The following GRK2 variants were observed in gnomAD, a reference collection of about 807,000 sequenced individuals.
The protein encoded by GRK2 is G protein-coupled receptor kinase 2.
A neutral mutation model predicts 97.8 loss-of-function variants in GRK2; 23 were observed. The observed-to-expected ratio is 0.24, with a 90% confidence interval of 0.17 to 0.33. The LOEUF is 0.33. GRK2 is among the 10% of genes least tolerant of loss of function. The pLI is 1.00. For synonymous variants in GRK2, 425 were observed against 381.7 expected, an observed-to-expected ratio of 1.11 and a Z score of -1.32; for missense variants, 633 against 956.9, an observed-to-expected ratio of 0.66 and a Z score of 4.47.
intron 1 of GRK2, 78 bp from the exon 2 acceptor site, chr11:67,277,194 C>A: frequency 7.1e-7 from 1 of 1,408,842 alleles, no homozygotes; most frequent in Non-Finnish European, 1.0e-6. Context: ...CACCACAGTG[C>A]CCTCAGCTCG....
intron 14 of GRK2, 67 bp from the exon 15 acceptor site, chr11:67,283,061 C>A: frequency 6.6e-7 from 1 of 1,509,892 alleles, no homozygotes; most frequent in East Asian, 2.3e-5. Flanking sequence ...ACCCCTCTCT[C>A]CCCTGAGCTG....
chr11:67,276,487 G>A lies in GRK2; in HGVS notation c.114-785G>A, dbSNP rs1254046426. ...CACAATGGCCAGGCCCTCCCCTATG[G>A]CCATACCAAGCAACCCAGGGCAGGG... On this transcript the variant is annotated intron_variant, in intron 1 of 20. Transcript: ENST00000308595. This position sits in a 1 kb window ranked among gnomAD's most constrained non-coding sequence, Gnocchi z 4.2. 1 of 152,156 alleles carries A rather than the reference G, an allele frequency of 6.6e-6. No individual in the cohort carries two copies. Among genetic ancestry groups the A allele is most frequent in the Non-Finnish European group, 1.5e-5 (1 of 68,026 alleles). 9.4% of individuals were successfully genotyped at this position (152,156 alleles called of 1,614,324 possible). A position where few individuals can be genotyped will look rare whatever the true frequency, so the allele number is the denominator to read the frequency against.
chr11:67,273,486 G>C (rs1859955813), intron 1 of GRK2, among the ~76,000 whole-genome samples: 1 of 152,172 alleles, frequency 6.6e-6, no homozygotes, highest in Non-Finnish European at 1.5e-5. Flanking sequence ...TCCCACCCCT[G>C]TGCTCGCCCG....
rs1860161353 is a variant in GRK2, at chr11:67,281,928, C to A, written c.933C>A (p.Arg311=). 1 of 1,613,360 alleles carries A rather than the reference C, an allele frequency of 6.2e-7. No individual in the cohort carries two copies. Among genetic ancestry groups the A allele is most frequent in the Non-Finnish European group, 8.5e-7 (1 of 1,179,936 alleles). Residue 311 remains arginine (R), a synonymous_variant, in exon 11 of 21, where the codon CGC becomes CGA. Coordinates refer to ENST00000308595, the MANE Select transcript of GRK2 (RefSeq NM_001619.5). This position sits in a 1 kb window ranked among gnomAD's most constrained non-coding sequence, Gnocchi z 5.7. The part of the protein sequence containing the change: ...IILGLEHMHN[R]FVVYRDLKPA... The stretch of plus-strand genomic sequence containing the variant: ...TGGGCCTGGAGCACATGCACAACCG[C>A]TTCGTGGTCTACCGGGACCTGAAGG...
In GRK2 at chr11:67,282,534, G is replaced by A; in HGVS notation, c.1152G>A (p.Leu384=). ...CTCTGGGGTGCATGCTCTTCAAGTT[G>A]CTGCGGGGGTGAGTGGCCCATCCCA... ...WFSLGCMLFK[L]LRGHSPFRQH... The change falls in exon 13 of 21, where the codon TTG becomes TTA. Residue 384 remains leucine, a synonymous_variant. Transcript: ENST00000308595. The surrounding 1 kb of genome is among the most constrained non-coding windows in gnomAD (Gnocchi z 6.9). 2 of 1,613,540 alleles carry A rather than the reference G, an allele frequency of 1.2e-6. No homozygotes were observed. Among genetic ancestry groups the A allele is most frequent in the Non-Finnish European group, 8.5e-7 (1 of 1,179,918 alleles).
intron 1 of GRK2, among the ~76,000 whole-genome samples, chr11:67,274,524 C>CTTTTTTTTTTTTTTTTTTT (rs1590848179): frequency 0.013 from 733 of 54,872 alleles, 1 homozygote; most frequent in Non-Finnish European, 0.016. Flanking sequence ...TTTTTTTTTG[C>CTTTTTTTTTTTTTTTTTTT]TTTTTTTCAT....
intron 6 of GRK2, chr11:67,280,262 A>G (rs1177608962): frequency 1.3e-5 from 5 of 389,384 alleles, no homozygotes; most frequent in African/African-American, 2.0e-5. Flanking sequence ...AGTAGAGCGC[A>G]TGGCCCCCGT....
chr11:67,280,459 C>T (rs1238948204), intron 6 of GRK2: 2 of 555,584 alleles, frequency 3.6e-6, no homozygotes, highest in Admixed American at 6.3e-5. Context: ...CTGGGTTAGA[C>T]TGGAAGACCT....
intron 1 of GRK2, among the ~76,000 whole-genome samples, chr11:67,267,052 C>A (rs934132170): frequency 2.6e-5 from 4 of 152,044 alleles, no homozygotes; most frequent in Non-Finnish European, 4.4e-5. Context: ...TCTGCCCCAT[C>A]GGTCCCCGGA....
chr11:67,274,494 C>A lies in GRK2; in HGVS notation c.114-2778C>A, dbSNP rs545693569. On this transcript the variant is annotated intron_variant, in intron 1 of 20. Transcript: ENST00000308595. ...GTCGCTACCTTCCGCTTGACCAGCA[C>A]CTTTTTTTTTTTTTTTTTTTTTTTT... Among the ~76,000 whole-genome samples the A allele has an allele frequency of 7.6e-4, 18 of 23,606 alleles. 1 individual carries two copies. The South Asian group carries it at 0.053, about 69-fold the overall frequency. The allele number at this position is 23,606 out of a possible 152,430, so 15.5% of individuals were successfully genotyped here. A position where few individuals can be genotyped will look rare whatever the true frequency, so the allele number is the denominator to read the frequency against.
Position 67,279,880 on chromosome 11 carries a change from G to C in GRK2, c.483G>C (p.Val161=). Residue 161 remains valine (V), a synonymous_variant, in exon 6 of 21, where the codon GTG becomes GTC. Transcript: ENST00000308595. ...EEICQNLRGD[V]FQKFIESDKF... ...TTTGTCAAAACCTCCGAGGGGACGT[G>C]TTCCAGAAATTCATTGAGAGGTGAG... 1 of 1,613,982 alleles carries C rather than the reference G, an allele frequency of 6.2e-7. No individual in the cohort carries two copies. Among genetic ancestry groups the C allele is most frequent in the Non-Finnish European group, 8.5e-7 (1 of 1,180,000 alleles).
At chr11:67,273,672 A>C (rs1375305640) in intron 1 of GRK2, among the ~76,000 whole-genome samples, 1 of 150,534 alleles carries the variant, frequency 6.6e-6, no homozygotes, top group Non-Finnish European at 1.5e-5. Flanking sequence ...GCTTGGGGGG[A>C]GGGGGGTTGT....
chr11:67,267,881 C>A (rs1859830830), intron 1 of GRK2, among the ~76,000 whole-genome samples: 1 of 152,236 alleles, frequency 6.6e-6, no homozygotes, highest in African/African-American at 2.4e-5. Context: ...CACAGGTAGT[C>A]CCAGGTGGCA....
At position 67,275,113 on chromosome 11, in the gene GRK2, C is replaced by T. The variant is rs191791490; in HGVS notation, c.114-2159C>T. On this transcript the variant is annotated intron_variant, in intron 1 of 20. Coordinates refer to ENST00000308595, the MANE Select transcript of GRK2 (RefSeq NM_001619.5). Reference sequence around the variant, plus strand: ...GAGGGTGGGGAGCAGGCCAGGGGGTCGCGGCCTTGGAACCGTGCTCATGGC... The same window carrying T: ...GAGGGTGGGGAGCAGGCCAGGGGGTTGCGGCCTTGGAACCGTGCTCATGGC... Among the ~76,000 whole-genome samples, 13 of 152,306 alleles carry T rather than the reference C, an allele frequency of 8.5e-5. 1 individual carries two copies. The South Asian group carries it at 1.2e-3, about 15-fold the overall frequency.
At position 67,280,266 on chromosome 11, in the gene GRK2, C is replaced by G. The variant is rs1471276708; in HGVS notation, c.503+366C>G. 7 of 384,194 alleles carry G rather than the reference C, an allele frequency of 1.8e-5. No homozygotes were observed. In the Admixed American group the frequency reaches 2.9e-4, roughly 16 times the overall value. The allele number at this position is 384,194 out of a possible 1,614,324, so 23.8% of individuals were successfully genotyped here. Reference sequence around the variant, plus strand: ...GGGGTAGGCCCAGTAGAGCGCATGGCCCCCGTGACCCTCACAGCCAGAGTT... The same window carrying G: ...GGGGTAGGCCCAGTAGAGCGCATGGGCCCCGTGACCCTCACAGCCAGAGTT... On this transcript the variant is annotated intron_variant, in intron 6 of 20. Transcript: ENST00000308595.
chr11:67,281,570 G>C lies in GRK2; in HGVS notation c.747+12G>C. 1 of 1,612,920 alleles carries C rather than the reference G, an allele frequency of 6.2e-7. No homozygotes were observed. Among genetic ancestry groups the C allele is most frequent in the Non-Finnish European group, 8.5e-7 (1 of 1,179,628 alleles). On this transcript the variant is annotated intron_variant, in intron 9 of 20. Transcript: ENST00000308595. This position sits in a 1 kb window ranked among gnomAD's most constrained non-coding sequence, Gnocchi z 5.7. ...TCGTCAGCACTGGGGTGAGCTGGGT[G>C]GGCCGGGCTGCCGCTGAGGCTCTGG...
chr11:67,280,919 G>A, intron 7 of GRK2, 136 bp downstream of exon 7: 3 of 1,197,226 alleles, frequency 2.5e-6, no homozygotes, highest in Non-Finnish European at 2.4e-6. Context: ...GGCTATGGGG[G>A]TCAGGGCCGG....
intron 1 of GRK2, among the ~76,000 whole-genome samples, chr11:67,273,187 G>A (rs1211579680): frequency 6.6e-6 from 1 of 152,248 alleles, no homozygotes; most frequent in Admixed American, 6.5e-5. Flanking sequence ...GTGACCAGGT[G>A]GTGAGGGCCA....
rs749268319 is a variant in GRK2 at position 67,284,309 on chromosome 11, C to T, written c.1590C>T (p.Asn530=). ...EVAETVFDTI[N]AETDRLEARK... Reference sequence around the variant, plus strand: ...CAGAGACTGTCTTCGACACCATCAACGCTGAGACAGACCGGCTGGAGGCTC... The same window carrying T: ...CAGAGACTGTCTTCGACACCATCAATGCTGAGACAGACCGGCTGGAGGCTC... The change falls in exon 18 of 21, where the codon AAC becomes AAT. Residue 530 remains asparagine, a synonymous_variant. Coordinates refer to ENST00000308595, the MANE Select transcript of GRK2 (RefSeq NM_001619.5). 22 of 1,613,246 alleles carry T rather than the reference C, an allele frequency of 1.4e-5. No homozygotes were observed. Among genetic ancestry groups the T allele is most frequent in the South Asian group, 1.1e-4 (10 of 91,092 alleles).
Sources: allele counts gnomAD v4.1 joint callset (sites outside exome capture counted in the v4.1 genomes callset), GRCh38; gene constraint gnomAD v4.1.1; non-coding constraint Gnocchi (gnomAD v3.1); transcripts MANE v1.5; gene names NCBI Gene and HGNC (gene_info 2026-07-23, HGNC 2026-07-21).